CDH22: variants seen among roughly 807,000 people sequenced by gnomAD.
CDH22 encodes cadherin-22.
CDH22 carries 30 observed loss-of-function variants against 58.4 expected under a neutral mutation model. The observed-to-expected ratio is 0.51, with a 90% CI of 0.38 to 0.70. The LOEUF is 0.70. CDH22 is among the 30% of genes least tolerant of loss of function. CDH22 has a pLI of 0.00. For synonymous variants in CDH22, 513 were observed against 558.2 expected (o/e 0.92, Z 1.14); for missense variants, 1,014 against 1,233.9 (o/e 0.82, Z 2.67).
chr20:46,253,444 T>C lies in CDH22; in HGVS notation c.-399-1751A>G, dbSNP rs578044467. Among the ~76,000 whole-genome samples the C allele has an allele frequency of 3.9e-4, 60 of 152,134 alleles. 1 individual carries two copies. The highest frequency in any genetic ancestry group is 1.4e-3 in the African/African-American group (60 of 41,510). ...GGAGGGAGGGGTCTGGAACACGCTG[T>C]TCCCTCTTTCCCTATAGGTCCAAGC... On this transcript the variant is annotated intron_variant, in intron 1 of 11. Transcript: ENST00000537909.
intron 1 of CDH22, among the ~76,000 whole-genome samples, chr20:46,296,610 A>G (rs571104527): frequency 6.6e-6 from 1 of 152,314 alleles, no homozygotes; most frequent in Admixed American, 6.5e-5. Context: ...TGCAGGTGGG[A>G]ATGGGCCCTG....
rs141128565 is a variant in CDH22 at position 46,230,520 on chromosome 20, G to A, written c.551-2893C>T. On this transcript the variant is annotated intron_variant, in intron 3 of 11. Coordinates refer to ENST00000537909, the MANE Select transcript of CDH22 (RefSeq NM_021248.3). ...ATTTCACAGCTGAGGAGACTGCTATGCACAGTGAAGGGTGAAAACATGAAT... is the reference window on the plus strand; with the variant it reads ...ATTTCACAGCTGAGGAGACTGCTATACACAGTGAAGGGTGAAAACATGAAT... Among the ~76,000 whole-genome samples the A allele has an allele frequency of 5.1e-3, 778 of 152,290 alleles. 1 individual carries two copies. The highest frequency in any genetic ancestry group is 7.1e-3 in the Non-Finnish European group (482 of 68,042).
At chr20:46,190,717 G>T (rs2085857063) in intron 8 of CDH22, among the ~76,000 whole-genome samples, 1 of 152,240 alleles carries the variant, frequency 6.6e-6, no homozygotes, top group African/African-American at 2.4e-5. Flanking sequence ...GAGCAGGCCT[G>T]CAGCCTTAAC....
At chr20:46,266,200 T>G (rs146531251) in intron 1 of CDH22, among the ~76,000 whole-genome samples, 1,759 of 152,304 alleles carry the variant, frequency 0.012, 17 homozygotes, top group Middle Eastern at 0.031. Flanking sequence ...CTGTCTCTAC[T>G]GTAGCAGCCT....
At chr20:46,299,805 T>C (rs2086643121) in intron 1 of CDH22, among the ~76,000 whole-genome samples, 2 of 152,178 alleles carry the variant, frequency 1.3e-5, no homozygotes. Context: ...ACTCAGCTAG[T>C]AAGTGGCAGG....
At chr20:46,226,574 C>A (rs1036110521) in intron 4 of CDH22, among the ~76,000 whole-genome samples, 1 of 152,172 alleles carries the variant, frequency 6.6e-6, no homozygotes, top group African/African-American at 2.4e-5. Context: ...TGAGCCACTG[C>A]ACCCGCAGAC....
At position 46,176,429 on chromosome 20, in the gene CDH22, G is replaced by A. The variant is rs967035054; in HGVS notation, c.1916-1352C>T. Among the ~76,000 whole-genome samples the A allele has an allele frequency of 2.0e-5, 3 of 151,870 alleles. 1 individual carries two copies. Among genetic ancestry groups the A allele is most frequent in the South Asian group, 4.2e-4 (2 of 4,812 alleles). On this transcript the variant is annotated intron_variant, in intron 11 of 11. Coordinates refer to ENST00000537909, the MANE Select transcript of CDH22 (RefSeq NM_021248.3). ...CCCCCACCTCAGTGTTAGGAACCCC[G>A]ACTTTTCAATTACTCAGGGCTTCTA...
intron 1 of CDH22, among the ~76,000 whole-genome samples, chr20:46,291,839 C>T (rs886298622): frequency 2.6e-5 from 4 of 152,248 alleles, no homozygotes; most frequent in Non-Finnish European, 4.4e-5. Context: ...GCAGCAGTGA[C>T]ATTTTGGCTG....
In CDH22 at chr20:46,244,295, C is replaced by A. The variant is rs575125512; in HGVS notation, c.256-3038G>T. Among the ~76,000 whole-genome samples the A allele has an allele frequency of 2.0e-5, 3 of 152,320 alleles. No homozygotes were observed. In the South Asian group the frequency reaches 6.2e-4, roughly 32 times the overall value. Reference sequence around the variant, plus strand: ...AGCTCACGCTGGGGCCTACTGGCTGCTCTCTGGGGACTGCAGAGTCAGACA... The same window carrying A: ...AGCTCACGCTGGGGCCTACTGGCTGATCTCTGGGGACTGCAGAGTCAGACA... On this transcript the variant is annotated intron_variant, in intron 2 of 11. Transcript: ENST00000537909.
At chr20:46,266,912 T>A (rs1600721889) in intron 1 of CDH22, among the ~76,000 whole-genome samples, 1 of 49,414 alleles carries the variant, frequency 2.0e-5, no homozygotes, top group East Asian at 7.9e-4. Flanking sequence ...TATAGGGTGC[T>A]TTTTTTTTTT....
At chr20:46,307,583 C>T (rs1218847185) in intron 1 of CDH22, among the ~76,000 whole-genome samples, 1 of 152,180 alleles carries the variant, frequency 6.6e-6, no homozygotes, top group Non-Finnish European at 1.5e-5. Context: ...CGCCCGACGG[C>T]CATAGGGCAG....
chr20:46,193,113 G>A (rs1160653473), intron 8 of CDH22, among the ~76,000 whole-genome samples: 2 of 152,134 alleles, frequency 1.3e-5, no homozygotes, highest in Non-Finnish European at 2.9e-5. Context: ...GAAATTCAAA[G>A]GGGAGATGTG....
chr20:46,264,503 T>C (rs907523473), intron 1 of CDH22, among the ~76,000 whole-genome samples: 1 of 152,196 alleles, frequency 6.6e-6, no homozygotes, highest in Non-Finnish European at 1.5e-5. Flanking sequence ...ATGATCTGAT[T>C]GAATCCTCAC....
chr20:46,241,680 C>T lies in CDH22; in HGVS notation c.256-423G>A, dbSNP rs1414909241. The stretch of plus-strand genomic sequence containing the variant: ...TCTCTGCCCATGGAAAGTCTCTCAT[C>T]CTGCAAAGTGCAACAAAAATGCCAC... On this transcript the variant is annotated intron_variant, in intron 2 of 11. Coordinates refer to ENST00000537909, the MANE Select transcript of CDH22 (RefSeq NM_021248.3). The surrounding 1 kb of genome is among the most constrained non-coding windows in gnomAD (Gnocchi z 5.2). 6.6e-6 allele frequency among the ~76,000 whole-genome samples: 1 copy of T among 151,750 alleles called. No homozygotes were observed. The highest frequency in any genetic ancestry group is 1.9e-4 in the East Asian group (1 of 5,196).
intron 3 of CDH22, among the ~76,000 whole-genome samples, chr20:46,240,370 G>A (rs1397340708): frequency 6.6e-6 from 1 of 152,128 alleles, no homozygotes; most frequent in Non-Finnish European, 1.5e-5. Context: ...TGAGTGTGTG[G>A]TTGGGCCCTG....
chr20:46,282,121 C>A (rs927313733), intron 1 of CDH22, among the ~76,000 whole-genome samples: 5 of 152,232 alleles, frequency 3.3e-5, no homozygotes, highest in Non-Finnish European at 7.3e-5. Flanking sequence ...GTCTGATGAT[C>A]ATGCTTCATT....
chr20:46,289,076 A>G (rs1419667007), intron 1 of CDH22, among the ~76,000 whole-genome samples: 1 of 151,898 alleles, frequency 6.6e-6, no homozygotes, highest in Non-Finnish European at 1.5e-5. Context: ...CTCTCCCTCT[A>G]TTTCAGCCAC....
At chr20:46,260,807 C>G (rs556046376) in intron 1 of CDH22, among the ~76,000 whole-genome samples, 4 of 152,334 alleles carry the variant, frequency 2.6e-5, no homozygotes, top group African/African-American at 9.6e-5. Flanking sequence ...CTGGCTTTCC[C>G]CTGTCATCTG....
rs550077256 is a variant in CDH22, at chr20:46,211,496, T to G, written c.1033-936A>C. On this transcript the variant is annotated intron_variant, in intron 6 of 11. Transcript: ENST00000537909. ...GGTGGCCTGGCCTAGGAGTGAGTGG[T>G]GGACTCTGGAGCCAGGCCATCAGTC... 1.1e-3 allele frequency among the ~76,000 whole-genome samples: 165 copies of G among 152,216 alleles called. 2 individuals are homozygous for G. The highest frequency in any genetic ancestry group is 3.9e-3 in the African/African-American group (162 of 41,538).
Sources: allele counts gnomAD v4.1 joint callset (sites outside exome capture counted in the v4.1 genomes callset), GRCh38; gene constraint gnomAD v4.1.1; non-coding constraint Gnocchi (gnomAD v3.1); transcripts MANE v1.5; gene names NCBI Gene and HGNC (gene_info 2026-07-23, HGNC 2026-07-21).